Variants in KLHL7 observed in about 807,000 individuals in gnomAD.
KLHL7 encodes kelch like family member 7.
KLHL7 carries 44 observed loss-of-function variants against 67.4 expected under a neutral mutation model. That is an observed-to-expected ratio of 0.65 (90% CI 0.51 to 0.84). The LOEUF (loss-of-function observed/expected upper bound fraction) is 0.84, where lower values mean the gene tolerates loss of function less well. Ranked by LOEUF, KLHL7 falls within the 40% of genes least tolerant of loss-of-function variation. The pLI is 0.00. For missense variants in KLHL7, 362 were observed against 718.1 expected (o/e 0.50, Z 5.67); for synonymous variants, 252 against 243.3 (o/e 1.04, Z -0.33).
At chr7:23,112,281 T>A (rs931430114) in intron 1 of KLHL7, among the ~76,000 whole-genome samples, 7 of 152,176 alleles carry the variant, frequency 4.6e-5, no homozygotes, top group African/African-American at 1.7e-4. Context: ...TGGAAAAGGA[T>A]CAAAGCATTG....
At chr7:23,107,457 AAT>A (rs1020748647) in intron 1 of KLHL7, among the ~76,000 whole-genome samples, 6 of 152,174 alleles carry the variant, frequency 3.9e-5, no homozygotes, top group Admixed American at 3.3e-4. Flanking sequence ...CACTCCCTCG[AAT>A]ATATGTTTTC....
rs1785292001 is a variant in KLHL7 at position 23,176,160 on chromosome 7, A to C, written c.*1862A>C. The C allele has an allele frequency of 6.6e-6, 1 of 152,120 alleles. No homozygotes were observed. The highest frequency in any genetic ancestry group is 1.5e-5 in the Non-Finnish European group (1 of 68,042). 9.4% of individuals were successfully genotyped at this position (152,120 alleles called of 1,614,324 possible). A position where few individuals can be genotyped will look rare whatever the true frequency, so the allele number is the denominator to read the frequency against. On this transcript the variant is annotated 3_prime_UTR_variant, in exon 11 of 11. Coordinates refer to ENST00000339077, the MANE Select transcript of KLHL7 (RefSeq NM_001031710.3). ...AACTACTGCAAACTTGGTGGCTTTA[A>C]AGAACAGAAATTTATTCTCTCACAA...
intron 5 of KLHL7, 41 bp from the exon 6 acceptor site, chr7:23,143,810 C>T: frequency 6.3e-7 from 1 of 1,588,760 alleles, no homozygotes. Flanking sequence ...GGAAATGTTG[C>T]TGTCTTCTAA....
intron 4 of KLHL7, among the ~76,000 whole-genome samples, chr7:23,131,486 A>G (rs544034904): frequency 2.6e-5 from 4 of 152,124 alleles, no homozygotes; most frequent in Middle Eastern, 6.8e-3. Context: ...ATGCCTATTT[A>G]TTTTTGTGTT....
intron 7 of KLHL7, among the ~76,000 whole-genome samples, chr7:23,161,512 C>A (rs1042347306): frequency 6.6e-6 from 1 of 152,094 alleles, no homozygotes; most frequent in Non-Finnish European, 1.5e-5. Context: ...AGGATAAATT[C>A]CTAGGAGAAA....
chr7:23,141,084 C>A, intron 5 of KLHL7, 140 bp downstream of exon 5: 1 of 801,608 alleles, frequency 1.2e-6, no homozygotes, highest in Non-Finnish European at 2.1e-6. Context: ...GTATTGTAAT[C>A]TTAGGTGCTT....
chr7:23,139,861 T>G (rs942742740), intron 4 of KLHL7, among the ~76,000 whole-genome samples: 2 of 151,776 alleles, frequency 1.3e-5, no homozygotes, highest in Non-Finnish European at 2.9e-5. Flanking sequence ...TCCTTATCCC[T>G]CCTCCTTTCC....
intron 1 of KLHL7, among the ~76,000 whole-genome samples, chr7:23,118,807 C>T (rs752709568): frequency 2.0e-5 from 3 of 151,820 alleles, no homozygotes; most frequent in African/African-American, 7.3e-5. Flanking sequence ...TGTGGTAGCT[C>T]GTGCCTGTAA....
chr7:23,148,376 T>A (rs1301198473), intron 6 of KLHL7, among the ~76,000 whole-genome samples: 4 of 148,218 alleles, frequency 2.7e-5, no homozygotes, highest in African/African-American at 1.0e-4. Flanking sequence ...ATACCTATAT[T>A]TAAGGGGTAC....
At chr7:23,123,012 CT>C in intron 1 of KLHL7, among the ~76,000 whole-genome samples, 1 of 152,080 alleles carries the variant, frequency 6.6e-6, no homozygotes, top group Non-Finnish European at 1.5e-5. Context: ...ATTTATTTTT[CT>C]TGATATTCAT....
chr7:23,156,359 T>G (rs1784707007), intron 7 of KLHL7, among the ~76,000 whole-genome samples: 1 of 152,262 alleles, frequency 6.6e-6, no homozygotes, highest in African/African-American at 2.4e-5. Context: ...GAGCTGCCTC[T>G]TCCCATCCTG....
Position 23,165,703 on chromosome 7 carries a change from T to C in KLHL7, c.942T>C (p.Tyr314=), listed in dbSNP as rs761925606. The change falls in exon 8 of 11, where the codon TAT becomes TAC. Residue 314 remains tyrosine, a synonymous_variant. Transcript: ENST00000339077. The part of the protein sequence containing the change: ...QSCRYFNPKD[Y]SWTDIRCPFE... ...CCCATCCTTTTCTGCTACAGGATTA[T>C]AGCTGGACAGACATCCGCTGCCCCT... 1 of 1,614,186 alleles carries C rather than the reference T, an allele frequency of 6.2e-7. No homozygotes were observed. The highest frequency in any genetic ancestry group is 1.1e-5 in the South Asian group (1 of 91,090).
At position 23,152,136 on chromosome 7, in the gene KLHL7, G is replaced by A. The variant is rs1159423625; in HGVS notation, c.863G>A (p.Arg288Lys). 1 of 1,613,768 alleles carries A rather than the reference G, an allele frequency of 6.2e-7. No homozygotes were observed. The highest frequency in any genetic ancestry group is 1.3e-5 in the African/African-American group (1 of 74,888). The change falls in exon 7 of 11, where the codon AGA (arginine) becomes AAA (lysine). Residue 288 changes from arginine to lysine, a missense_variant. Transcript: ENST00000339077. ...EELVDGTRPR[R>K]KKHDYRIALF... ...CTTGTAGATGGCACAAGACCTAGAAGAAAGAAACATGACTACCGCATAGCC... is the reference window on the plus strand; with the variant it reads ...CTTGTAGATGGCACAAGACCTAGAAAAAAGAAACATGACTACCGCATAGCC...
chr7:23,143,661 T>C (rs1016507376), intron 5 of KLHL7, among the ~76,000 whole-genome samples, 190 bp from the exon 6 acceptor site: 1 of 152,194 alleles, frequency 6.6e-6, no homozygotes, highest in African/African-American at 2.4e-5. Context: ...AAAAACATAT[T>C]ACCTACAAGA....
intron 1 of KLHL7, chr7:23,106,495 G>C: frequency 8.6e-7 from 1 of 1,158,212 alleles, no homozygotes; most frequent in Non-Finnish European, 1.1e-6. Flanking sequence ...TTAAGGTGCC[G>C]TGAGATCTTG....
intron 7 of KLHL7, among the ~76,000 whole-genome samples, chr7:23,157,992 G>T (rs1395720649): frequency 6.6e-6 from 1 of 152,190 alleles, no homozygotes; most frequent in Non-Finnish European, 1.5e-5. Flanking sequence ...TTGAGACAGG[G>T]TCTTGCTCTG....
chr7:23,146,825 T>A (rs58856240), intron 6 of KLHL7, among the ~76,000 whole-genome samples: 9,476 of 152,166 alleles, frequency 0.062, 681 homozygotes, highest in East Asian at 0.33. Flanking sequence ...TTTCCATATA[T>A]CTATATGTAC....
At chr7:23,128,089 C>CTT (rs1783646918) in intron 4 of KLHL7, among the ~76,000 whole-genome samples, 1 of 149,594 alleles carries the variant, frequency 6.7e-6, no homozygotes, top group African/African-American at 2.5e-5. Context: ...GCCGAGATTG[C>CTT]GCCACTGCAC....
intron 4 of KLHL7, chr7:23,129,391 C>T (rs528291255): frequency 6.5e-5 from 25 of 386,968 alleles, no homozygotes; most frequent in African/African-American, 3.2e-4. Context: ...AATGATGTTA[C>T]GACTCGGCTG....
Sources: allele counts gnomAD v4.1 joint callset (sites outside exome capture counted in the v4.1 genomes callset), GRCh38; gene constraint gnomAD v4.1.1; transcripts MANE v1.5; gene names NCBI Gene and HGNC (gene_info 2026-07-23, HGNC 2026-07-21).